GADL1: variants seen among roughly 807,000 people sequenced by gnomAD.
The protein encoded by GADL1 is GAD like acidic amino acid decarboxylase 1.
GADL1 carries 71 observed loss-of-function variants against 69.5 expected under a neutral mutation model. The observed-to-expected ratio is 1.02, with a 90% confidence interval of 0.84 to 1.25. The LOEUF is 1.25. Among genes scored for constraint, GADL1 ranks in the 50% most tolerant of loss-of-function variants. The probability of loss-of-function intolerance (pLI) is 0.00; values close to 1 mark genes in which losing one functional copy is unlikely to be tolerated. For missense variants in GADL1, 737 were observed against 631.8 expected, an observed-to-expected ratio of 1.17 and a Z score of -1.79; for synonymous variants, 254 against 214.4, an observed-to-expected ratio of 1.18 and a Z score of -1.62.
chr3:30,843,937 C>T (rs888280449), intron 8 of GADL1, among the ~76,000 whole-genome samples: 1 of 152,156 alleles, frequency 6.6e-6, no homozygotes, highest in Non-Finnish European at 1.5e-5. Flanking sequence ...ATCCTGAATA[C>T]GGGTGATTTC....
chr3:30,887,789 A>G (rs182721479), intron 1 of GADL1, among the ~76,000 whole-genome samples: 1 of 152,212 alleles, frequency 6.6e-6, no homozygotes, highest in Non-Finnish European at 1.5e-5. Flanking sequence ...GAATCTATAC[A>G]TTAAAAAGAC....
At chr3:30,812,083 T>G (rs1173488201) in intron 11 of GADL1, among the ~76,000 whole-genome samples, 1 of 152,216 alleles carries the variant, frequency 6.6e-6, no homozygotes, top group Non-Finnish European at 1.5e-5. Flanking sequence ...ACTTACTTTT[T>G]TGCTACTAGT....
intron 14 of GADL1, among the ~76,000 whole-genome samples, chr3:30,767,694 T>TG (rs752325174): frequency 3.6e-4 from 55 of 152,198 alleles, no homozygotes; most frequent in South Asian, 8.3e-4. Context: ...TTTGAAGCAG[T>TG]GGAATAAATT....
intron 1 of GADL1, among the ~76,000 whole-genome samples, chr3:30,883,284 C>CTT (rs1368857209): frequency 2.0e-5 from 3 of 151,860 alleles, no homozygotes; most frequent in Non-Finnish European, 4.4e-5. Flanking sequence ...ATTTTTGGGT[C>CTT]TTGCACTACT....
At chr3:30,750,537 C>T (rs1466780664) in intron 14 of GADL1, among the ~76,000 whole-genome samples, 2 of 152,128 alleles carry the variant, frequency 1.3e-5, no homozygotes, top group Non-Finnish European at 2.9e-5. Flanking sequence ...ATGAGAAATG[C>T]CACACTAGCT....
chr3:30,782,259 G>A (rs1454560754), intron 13 of GADL1, among the ~76,000 whole-genome samples: 1 of 152,154 alleles, frequency 6.6e-6, no homozygotes, highest in Non-Finnish European at 1.5e-5. Context: ...CAGCAGTGTG[G>A]CAGTTAGGCT....
chr3:30,758,486 C>T (rs1696035246), intron 14 of GADL1, among the ~76,000 whole-genome samples: 1 of 152,116 alleles, frequency 6.6e-6, no homozygotes, highest in East Asian at 1.9e-4. Flanking sequence ...ATCAGACTGG[C>T]TCTGAGTAAC....
intron 14 of GADL1, among the ~76,000 whole-genome samples, chr3:30,764,358 A>G (rs1696217389): frequency 6.6e-6 from 1 of 152,174 alleles, no homozygotes; most frequent in African/African-American, 2.4e-5. Flanking sequence ...AATTTGTTAG[A>G]TTACACTTAA....
intron 1 of GADL1, among the ~76,000 whole-genome samples, chr3:30,881,307 A>G (rs1485741931): frequency 6.6e-6 from 1 of 151,986 alleles, no homozygotes; most frequent in Non-Finnish European, 1.5e-5. Flanking sequence ...AGAATGCCAA[A>G]AATTAGAACA....
intron 1 of GADL1, among the ~76,000 whole-genome samples, chr3:30,890,343 A>C (rs190181864): frequency 6.6e-6 from 1 of 152,328 alleles, no homozygotes; most frequent in East Asian, 1.9e-4. Context: ...GATGCAGTAA[A>C]TAGACAGATG....
Position 30,833,894 on chromosome 3 carries a change from C to T in GADL1, c.1009G>A (p.Ala337Thr), listed in dbSNP as rs780707845. The T allele has an allele frequency of 2.5e-6, 4 of 1,612,730 alleles. No homozygotes were observed. The African/African-American group carries it at 4.0e-5, about 16-fold the overall frequency. ...VAWNPHKMLM[A>T]GIQCCALLVK... ...AGGAGAGCACAGCACTGGATCCCAG[C>T]CATCAGCATCTTGTGTGGGTTCCAG... The change falls in exon 11 of 15, where the codon GCT becomes ACT. Residue 337 changes from alanine to threonine, a missense_variant. By Grantham distance (58) the Ala-to-Thr change is moderately conservative. Coordinates refer to ENST00000282538, the MANE Select transcript of GADL1 (RefSeq NM_207359.3).
intron 14 of GADL1, among the ~76,000 whole-genome samples, chr3:30,755,731 TA>T (rs1695952766): frequency 1.5e-5 from 1 of 68,596 alleles, no homozygotes; most frequent in African/African-American, 4.2e-5. Flanking sequence ...AAATGTTCAA[TA>T]AATAATTGTT....
chr3:30,744,682 C>T (rs541134270), intron 14 of GADL1, among the ~76,000 whole-genome samples: 28 of 152,272 alleles, frequency 1.8e-4, no homozygotes, highest in Non-Finnish European at 3.5e-4. Context: ...CCACCGCACT[C>T]CAGCCTGGGC....
intron 11 of GADL1, among the ~76,000 whole-genome samples, chr3:30,806,319 C>A (rs1210447312): frequency 6.6e-6 from 1 of 152,072 alleles, no homozygotes; most frequent in Non-Finnish European, 1.5e-5. Flanking sequence ...CACTATCATG[C>A]CAGGAGCCTC....
In GADL1 at chr3:30,894,623, C is replaced by G; in HGVS notation, c.-9G>C. The G allele has an allele frequency of 1.3e-6, 2 of 1,550,614 alleles. No homozygotes were observed. Among genetic ancestry groups the G allele is most frequent in the Non-Finnish European group, 1.7e-6 (2 of 1,146,492 alleles). On this transcript the variant is annotated 5_prime_UTR_variant, in exon 1 of 15. Transcript: ENST00000282538. ...TCCGAGTCGCTGCTCATCTCCGCTC[C>G]CCCACTCCAGGCTGCCCCGGGCGCG...
At chr3:30,883,942 G>T (rs1420823711) in intron 1 of GADL1, among the ~76,000 whole-genome samples, 1 of 151,852 alleles carries the variant, frequency 6.6e-6, no homozygotes, top group South Asian at 2.1e-4. Context: ...GGCTTTTTAA[G>T]AGATTAGCAG....
chr3:30,751,289 TCTTTTGG>T (rs1268893797), intron 14 of GADL1, among the ~76,000 whole-genome samples: 1 of 151,954 alleles, frequency 6.6e-6, no homozygotes, highest in South Asian at 2.1e-4. Flanking sequence ...TGTTGCCAAT[TCTTTTGG>T]CTTTATAAAG....
chr3:30,847,972 AAATG>A (rs1698084008), intron 6 of GADL1, among the ~76,000 whole-genome samples: 1 of 152,190 alleles, frequency 6.6e-6, no homozygotes, highest in Admixed American at 6.5e-5. Flanking sequence ...GCTTTAAACC[AAATG>A]AAGAATGAAA....
At chr3:30,865,137 A>G (rs748300540) in intron 1 of GADL1, among the ~76,000 whole-genome samples, 1 of 151,880 alleles carries the variant, frequency 6.6e-6, no homozygotes, top group Non-Finnish European at 1.5e-5. Flanking sequence ...CTTTTTCACC[A>G]TGCTGATTCT....
Sources: gnomAD v4.1 joint callset for allele counts (sites outside exome capture counted in the v4.1 genomes callset) on GRCh38, gnomAD v4.1.1 for gene constraint, MANE v1.5 for transcripts, NCBI Gene and HGNC (gene_info 2026-07-23, HGNC 2026-07-21) for gene names.